The following PTPRD variants were observed in gnomAD, a reference collection of about 807,000 sequenced individuals.
The protein encoded by PTPRD is receptor-type tyrosine-protein phosphatase delta.
In PTPRD, 34 loss-of-function variants were observed where a neutral mutation model predicts 214.5. The observed-to-expected ratio is 0.16, with a 90% CI of 0.12 to 0.21. The LOEUF is 0.21. PTPRD is among the 10% of genes least tolerant of loss of function. The pLI, the probability that PTPRD is intolerant of heterozygous loss-of-function variation, is 1.00. For synonymous variants in PTPRD, 1,128 were observed against 845.7 expected (o/e 1.33, Z -5.79); for missense variants, 2,545 against 2,398.7 (o/e 1.06, Z -1.27).
At chr9:8,372,723 A>T (rs941891478) in intron 39 of PTPRD, among the ~76,000 whole-genome samples, 3 of 152,038 alleles carry the variant, frequency 2.0e-5, no homozygotes, top group African/African-American at 7.2e-5. Context: ...CGCTTGTTGC[A>T]CTAGGCTATC....
chr9:9,915,053 C>G (rs2080309167), intron 5 of PTPRD, among the ~76,000 whole-genome samples: 2 of 152,156 alleles, frequency 1.3e-5, no homozygotes, highest in South Asian at 4.1e-4. Flanking sequence ...CAACTTTCAG[C>G]AAAGCCTCGC....
At chr9:9,132,165 A>G (rs897727861) in intron 10 of PTPRD, among the ~76,000 whole-genome samples, 1 of 151,762 alleles carries the variant, frequency 6.6e-6, no homozygotes, top group Non-Finnish European at 1.5e-5. Context: ...CCGCCACCAT[A>G]CCTGGCTAAT....
chr9:10,460,627 C>A (rs1588670087), intron 2 of PTPRD, among the ~76,000 whole-genome samples: 1 of 152,074 alleles, frequency 6.6e-6, no homozygotes, highest in Non-Finnish European at 1.5e-5. Flanking sequence ...GAGGAAAGGA[C>A]AATGTCTTCA....
chr9:9,854,564 A>G (rs937552843), intron 5 of PTPRD, among the ~76,000 whole-genome samples: 3 of 152,248 alleles, frequency 2.0e-5, no homozygotes, highest in African/African-American at 4.8e-5. Flanking sequence ...TTCTACTGGT[A>G]TATATAAATT....
intron 4 of PTPRD, among the ~76,000 whole-genome samples, chr9:9,998,127 A>T (rs199719357): frequency 0.36 from 19,924 of 54,726 alleles, 2,320 homozygotes; most frequent in East Asian, 0.54. Context: ...AAAAAAAAAA[A>T]AAATATATAT....
chr9:8,805,270 A>C (rs2096652761), intron 11 of PTPRD, among the ~76,000 whole-genome samples: 1 of 152,202 alleles, frequency 6.6e-6, no homozygotes, highest in Non-Finnish European at 1.5e-5. Flanking sequence ...TGAGTAGCTC[A>C]AGTCCACAAA....
intron 5 of PTPRD, among the ~76,000 whole-genome samples, chr9:9,861,657 A>G (rs1286431462): frequency 6.6e-6 from 1 of 152,218 alleles, no homozygotes; most frequent in African/African-American, 2.4e-5. Context: ...ATACAGTATA[A>G]TATTTTGTTT....
chr9:9,212,384 G>C (rs2099949340), intron 9 of PTPRD, among the ~76,000 whole-genome samples: 1 of 152,038 alleles, frequency 6.6e-6, no homozygotes, highest in African/African-American at 2.4e-5. Flanking sequence ...TTTTAAGCTA[G>C]CTTTTAGTGT....
chr9:9,987,954 G>T (rs769143394), intron 4 of PTPRD, among the ~76,000 whole-genome samples: 9 of 152,114 alleles, frequency 5.9e-5, no homozygotes, highest in Non-Finnish European at 1.3e-4. Context: ...ATATTAAGCT[G>T]ACATATTTGC....
At chr9:9,454,896 G>A (rs1274662891) in intron 8 of PTPRD, among the ~76,000 whole-genome samples, 1 of 151,106 alleles carries the variant, frequency 6.6e-6, no homozygotes, top group African/African-American at 2.4e-5. Context: ...GTTATTAAAT[G>A]TATGTAATAC....
At chr9:8,620,471 T>C (rs1595448933) in intron 14 of PTPRD, among the ~76,000 whole-genome samples, 1 of 152,042 alleles carries the variant, frequency 6.6e-6, no homozygotes, top group Non-Finnish European at 1.5e-5. Context: ...TAAGAATTTA[T>C]AGTGTCTAAT....
chr9:9,461,562 T>C (rs1417154424), intron 8 of PTPRD, among the ~76,000 whole-genome samples: 1 of 152,080 alleles, frequency 6.6e-6, no homozygotes, highest in African/African-American at 2.4e-5. Context: ...TCTTAACCAT[T>C]TGAGGGTATT....
intron 2 of PTPRD, among the ~76,000 whole-genome samples, chr9:10,530,549 T>G (rs1441783099): frequency 6.6e-6 from 1 of 152,146 alleles, no homozygotes; most frequent in African/African-American, 2.4e-5. Context: ...AGGTAGTAAC[T>G]GATCCCAGTG....
intron 4 of PTPRD, among the ~76,000 whole-genome samples, chr9:10,018,728 T>C (rs1278973174): frequency 6.6e-6 from 1 of 150,508 alleles, no homozygotes; most frequent in African/African-American, 2.4e-5. Flanking sequence ...TTTTTGTATT[T>C]TTAGTAGAGA....
At chr9:9,463,842 C>G (rs2093894479) in intron 8 of PTPRD, among the ~76,000 whole-genome samples, 1 of 152,066 alleles carries the variant, frequency 6.6e-6, no homozygotes, top group South Asian at 2.1e-4. Flanking sequence ...TTTGTCTTAT[C>G]TGAGTTCCTT....
chr9:8,453,454 A>G (rs549157372), intron 33 of PTPRD, among the ~76,000 whole-genome samples: 40 of 152,346 alleles, frequency 2.6e-4, no homozygotes, highest in African/African-American at 5.3e-4. Context: ...GTGAGCCACC[A>G]TGCCTGGCCG....
intron 9 of PTPRD, among the ~76,000 whole-genome samples, chr9:9,198,285 A>G (rs186061727): frequency 3.3e-5 from 5 of 152,272 alleles, no homozygotes; most frequent in African/African-American, 9.6e-5. Context: ...GAAAACATAC[A>G]CCATAAAATC....
chr9:10,181,149 T>C (rs1468217986), intron 3 of PTPRD, among the ~76,000 whole-genome samples: 1 of 152,100 alleles, frequency 6.6e-6, no homozygotes, highest in Admixed American at 6.5e-5. Flanking sequence ...TTATGATTTT[T>C]ATATAGACAA....
At chr9:8,983,248 T>C (rs569912161) in intron 11 of PTPRD, among the ~76,000 whole-genome samples, 3 of 152,058 alleles carry the variant, frequency 2.0e-5, no homozygotes, top group Non-Finnish European at 2.9e-5. Flanking sequence ...GAAAATTTCA[T>C]TGAGTTATTC....
Sources: allele counts gnomAD v4.1 joint callset (sites outside exome capture counted in the v4.1 genomes callset), GRCh38; gene constraint gnomAD v4.1.1; transcripts MANE v1.5; gene names NCBI Gene and HGNC (gene_info 2026-07-23, HGNC 2026-07-21).